TPPP: variants seen among roughly 807,000 people sequenced by gnomAD.
The protein encoded by TPPP is tubulin polymerization-promoting protein.
TPPP carries 6 observed loss-of-function variants against 15.5 expected under a neutral mutation model. That is an observed-to-expected ratio of 0.39 (90% CI 0.21 to 0.77). The LOEUF is 0.77. Ranked by LOEUF, TPPP falls within the 30% of genes least tolerant of loss-of-function variation. TPPP has a pLI of 0.42. For synonymous variants in TPPP, 146 were observed against 133.9 expected, an observed-to-expected ratio of 1.09 and a Z score of -0.63; for missense variants, 269 against 307.2, an observed-to-expected ratio of 0.88 and a Z score of 0.93.
At chr5:669,160 G>A (rs1287715928) in intron 2 of TPPP, among the ~76,000 whole-genome samples, 5 of 152,206 alleles carry the variant, frequency 3.3e-5, no homozygotes, top group African/African-American at 1.2e-4. Flanking sequence ...GGGGGCTTTG[G>A]GGAGACAGAG....
chr5:684,742 CG>C (rs36022411), intron 1 of TPPP, among the ~76,000 whole-genome samples: 55,017 of 152,018 alleles, frequency 0.36, 10,272 homozygotes, highest in East Asian at 0.56. Flanking sequence ...TGAGCGCAGA[CG>C]GTTCCTGTTT....
intron 1 of TPPP, among the ~76,000 whole-genome samples, chr5:681,735 G>A (rs1416516164): frequency 4.1e-5 from 6 of 147,590 alleles, no homozygotes; most frequent in African/African-American, 1.5e-4. Context: ...CTCACCCACG[G>A]GTGTGGGCAA....
At chr5:684,794 C>G (rs908376464) in intron 1 of TPPP, among the ~76,000 whole-genome samples, 2 of 152,180 alleles carry the variant, frequency 1.3e-5, no homozygotes, top group Non-Finnish European at 2.9e-5. Context: ...GCGGGACTCT[C>G]CCTGTGAACC....
At chr5:685,742 T>A (rs1561093748) in intron 1 of TPPP, among the ~76,000 whole-genome samples, 1 of 152,172 alleles carries the variant, frequency 6.6e-6, no homozygotes, top group African/African-American at 2.4e-5. Context: ...GCGCCCAGCG[T>A]GGCCACTCTG....
At chr5:685,925 G>C (rs1328963131) in intron 1 of TPPP, among the ~76,000 whole-genome samples, 1 of 152,198 alleles carries the variant, frequency 6.6e-6, no homozygotes, top group East Asian at 1.9e-4. Context: ...CACTATGGCT[G>C]AGTATCCAGG....
At chr5:667,383 C>T (rs957394822) in intron 2 of TPPP, among the ~76,000 whole-genome samples, 1 of 152,176 alleles carries the variant, frequency 6.6e-6, no homozygotes, top group Non-Finnish European at 1.5e-5. Context: ...AATTAAAATG[C>T]ACTTTGGTCT....
At chr5:670,140 C>T (rs1403834179) in intron 2 of TPPP, among the ~76,000 whole-genome samples, 1 of 152,298 alleles carries the variant, frequency 6.6e-6, no homozygotes, top group East Asian at 1.9e-4. Context: ...CCTGGGGCCT[C>T]CAGGAGCTGG....
At position 665,022 on chromosome 5, in the gene TPPP, T is replaced by C; in HGVS notation, c.*80A>G. On this transcript the variant is annotated 3_prime_UTR_variant, in exon 4 of 4. Transcript: ENST00000360578. ...CCCGTCTGAGTTCTGCCCCAGTTAG[T>C]ACAGGAATGTAATGAAGTGCGAGGT... 2.0e-6 allele frequency: 3 copies of C among 1,507,440 alleles called. No homozygotes were observed. The highest frequency in any genetic ancestry group is 2.7e-6 in the Non-Finnish European group (3 of 1,116,502). 93.4% of individuals were successfully genotyped at this position (1,507,440 alleles called of 1,614,324 possible). A position where few individuals can be genotyped will look rare whatever the true frequency, so the allele number is the denominator to read the frequency against.
In TPPP at chr5:669,215, C is replaced by T. The variant is rs376301195; in HGVS notation, c.312-3092G>A. Among the ~76,000 whole-genome samples, 26 of 152,312 alleles carry T rather than the reference C, an allele frequency of 1.7e-4. 1 individual carries two copies. The South Asian group carries it at 5.4e-3, about 32-fold the overall frequency. Reference sequence around the variant, plus strand: ...CTGCTGAGGGCAGCCACGCAGGGCACATTCCAGACCCGCCGGCCATAGGGC... The same window carrying T: ...CTGCTGAGGGCAGCCACGCAGGGCATATTCCAGACCCGCCGGCCATAGGGC... On this transcript the variant is annotated intron_variant, in intron 2 of 3. Coordinates refer to ENST00000360578, the MANE Select transcript of TPPP (RefSeq NM_007030.3).
chr5:672,209 C>T (rs1740247181), intron 2 of TPPP, among the ~76,000 whole-genome samples: 1 of 152,118 alleles, frequency 6.6e-6, no homozygotes, highest in Non-Finnish European at 1.5e-5. Flanking sequence ...TGCCGGCTGG[C>T]CGGGGGGGTG....
At chr5:669,539 C>T (rs1374695362) in intron 2 of TPPP, among the ~76,000 whole-genome samples, 1 of 152,176 alleles carries the variant, frequency 6.6e-6, no homozygotes, top group Non-Finnish European at 1.5e-5. Flanking sequence ...TCTATTCCCA[C>T]CCTGCCCAAG....
At chr5:671,855 A>G (rs424761) in intron 2 of TPPP, among the ~76,000 whole-genome samples, 39,529 of 152,164 alleles carry the variant, frequency 0.26, 5,274 homozygotes, top group East Asian at 0.41. Flanking sequence ...CAATGGAGGG[A>G]CAGGGTTGGG....
At chr5:697,227 A>G (rs1379609877), upstream of TPPP, among the ~76,000 whole-genome samples, 1 of 151,048 alleles carries the variant, frequency 6.6e-6, no homozygotes, top group African/African-American at 2.4e-5. Flanking sequence ...AGAGAACGGC[A>G]GGTGAGCCTT....
intron 2 of TPPP, among the ~76,000 whole-genome samples, chr5:669,052 G>A (rs950125217): frequency 2.6e-5 from 4 of 152,218 alleles, no homozygotes; most frequent in Non-Finnish European, 4.4e-5. Context: ...AGAAGAAATC[G>A]CGCTGAGAAA....
the TPPP span, among the ~76,000 whole-genome samples, chr5:698,551 A>G: frequency 6.6e-5 from 10 of 151,996 alleles, no homozygotes; most frequent in African/African-American, 2.4e-4. Context: ...AAGGCAGATC[A>G]TACACGGCAG....
In TPPP at chr5:666,494, G is replaced by A. The variant is rs544572523; in HGVS notation, c.312-371C>T. 2.0e-4 allele frequency among the ~76,000 whole-genome samples: 30 copies of A among 152,308 alleles called. No homozygotes were observed. The East Asian group carries it at 2.7e-3, about 14-fold the overall frequency. On this transcript the variant is annotated intron_variant, in intron 2 of 3. Coordinates refer to ENST00000360578, the MANE Select transcript of TPPP (RefSeq NM_007030.3). ...GGGTCCTAGGACCTGCTGGGGCCCCGGCTCTGCCTGTGTGTGTTGGGGTCC... is the reference window on the plus strand; with the variant it reads ...GGGTCCTAGGACCTGCTGGGGCCCCAGCTCTGCCTGTGTGTGTTGGGGTCC...
chr5:692,781 C>T (rs1400552586), intron 1 of TPPP: 12 of 951,656 alleles, frequency 1.3e-5, no homozygotes, highest in Non-Finnish European at 1.4e-5. Flanking sequence ...CTGAGATGGG[C>T]CGTTTCTGTG....
intron 1 of TPPP, among the ~76,000 whole-genome samples, chr5:680,376 C>T (rs1403518976): frequency 2.1e-5 from 2 of 93,138 alleles, no homozygotes; most frequent in Non-Finnish European, 4.0e-5. Flanking sequence ...GTCCACTGTC[C>T]CACTCAGGCT....
At chr5:673,790 C>A (rs1348013618) in intron 2 of TPPP, among the ~76,000 whole-genome samples, 2 of 152,204 alleles carry the variant, frequency 1.3e-5, no homozygotes, top group African/African-American at 2.4e-5. Flanking sequence ...TCCAGCCCTG[C>A]CTCTGGGAAC....
Sources: gnomAD v4.1 joint callset for allele counts (sites outside exome capture counted in the v4.1 genomes callset) on GRCh38, gnomAD v4.1.1 for gene constraint, MANE v1.5 for transcripts, NCBI Gene and HGNC (gene_info 2026-07-23, HGNC 2026-07-21) for gene names.